DPP4: variants seen among roughly 807,000 people sequenced by gnomAD.
DPP4 encodes ADCP-2.
A neutral mutation model predicts 122.4 loss-of-function variants in DPP4; 93 were observed. The ratio of observed to expected loss-of-function variants is 0.76; its 90% confidence interval spans 0.64 to 0.90. The LOEUF (loss-of-function observed/expected upper bound fraction) is 0.90. DPP4 is among the 40% of genes least tolerant of loss of function. The pLI, the probability that DPP4 is intolerant of heterozygous loss-of-function variation, is 0.00. For synonymous variants in DPP4, 321 were observed against 302.9 expected (o/e 1.06, Z -0.62); for missense variants, 914 against 907.3 (o/e 1.01, Z -0.09).
intron 19 of DPP4, 49 bp downstream of exon 19, chr2:162,014,347 T>C (rs201269883): frequency 2.7e-6 from 4 of 1,490,442 alleles, no homozygotes; most frequent in African/African-American, 2.8e-5. Flanking sequence ...CTGAGAAAAA[T>C]ATATATGACT....
Position 162,008,642 on chromosome 2 carries a change from G to C in DPP4, c.1907C>G (p.Thr636Ser), listed in dbSNP as rs765607849. 1 of 1,613,510 alleles carries C rather than the reference G, an allele frequency of 6.2e-7. No individual in the cohort carries two copies. Among genetic ancestry groups the C allele is most frequent in the Non-Finnish European group, 8.5e-7 (1 of 1,179,704 alleles). ...ACTTCCCGATCCCAGGACCATTGAGGTTACGTACCCTCCATATGACTAAGG... is the reference window on the plus strand; with the variant it reads ...ACTTCCCGATCCCAGGACCATTGAGCTTACGTACCCTCCATATGACTAAGG... Reference protein sequence around the residue: ...IWGWSYGGYVTSMVLGSGSGV... With the variant: ...IWGWSYGGYVSSMVLGSGSGV... Residue 636 changes from threonine to serine, a missense_variant, in exon 22 of 26, where the codon ACC (threonine) becomes AGC (serine). Coordinates refer to ENST00000360534, the MANE Select transcript of DPP4 (RefSeq NM_001935.4).
chr2:161,992,570 A>G lies in DPP4; in HGVS notation c.*713T>C, dbSNP rs533483055. 7.2e-5 allele frequency: 11 copies of G among 152,784 alleles called. No homozygotes were observed. The highest frequency in any genetic ancestry group is 7.2e-4 in the Admixed American group (11 of 15,302). The allele number at this position is 152,784 out of a possible 1,614,324, so 9.5% of individuals were successfully genotyped here. A position where few individuals can be genotyped will look rare whatever the true frequency, so the allele number is the denominator to read the frequency against. On this transcript the variant is annotated 3_prime_UTR_variant, in exon 26 of 26. Coordinates refer to ENST00000360534, the MANE Select transcript of DPP4 (RefSeq NM_001935.4). ...AAAAGCACATTTACAATGCTTTCCC[A>G]TCACCCTTGCTGTGTTTTTGTAGCA...
At chr2:162,033,685 A>AG in intron 9 of DPP4, 32 bp from the exon 10 acceptor site, 2 of 1,453,956 alleles carry the variant, frequency 1.4e-6, no homozygotes, top group African/African-American at 1.5e-5. Flanking sequence ...ATTGGTATTG[A>AG]CAAAAAAAAA....
At chr2:162,036,480 C>A (rs1366351244) in intron 8 of DPP4, among the ~76,000 whole-genome samples, 1 of 152,128 alleles carries the variant, frequency 6.6e-6, no homozygotes, top group Non-Finnish European at 1.5e-5. Flanking sequence ...TAAAGTGAGA[C>A]AAGCTTGAAG....
chr2:162,022,638 G>A (rs370649642), intron 12 of DPP4, 117 bp downstream of exon 12: 3 of 934,160 alleles, frequency 3.2e-6, no homozygotes, highest in Non-Finnish European at 5.2e-6. Flanking sequence ...TTGAGAAATA[G>A]GTTAACTAAT....
chr2:162,023,513 A>G lies in DPP4; in HGVS notation c.1024-714T>C, dbSNP rs553720990. Among the ~76,000 whole-genome samples, 9 of 152,134 alleles carry G rather than the reference A, an allele frequency of 5.9e-5. No individual in the cohort carries two copies. The East Asian group carries it at 1.7e-3, about 29-fold the overall frequency. ...CCCTAGTTCCTGCATGTTCCAAGCT[A>G]TTCACACTGGATGCCTTTGCACAGC... On this transcript the variant is annotated intron_variant, in intron 11 of 25. Transcript: ENST00000360534.
At chr2:162,019,178 C>T (rs747898421) in intron 15 of DPP4, 45 bp downstream of exon 15, 2 of 1,498,256 alleles carry the variant, frequency 1.3e-6, no homozygotes, top group Admixed American at 1.8e-5. Context: ...AGAAATTGTT[C>T]GTCAGCTAAA....
intron 11 of DPP4, 88 bp from the exon 12 acceptor site, chr2:162,022,887 G>C: frequency 1.5e-6 from 2 of 1,303,230 alleles, no homozygotes; most frequent in Non-Finnish European, 2.2e-6. Flanking sequence ...AAATAGAGCT[G>C]TACTTATAAT....
At position 162,020,311 on chromosome 2, in the gene DPP4, T is replaced by A. The variant is rs1355830625; in HGVS notation, c.1177-15A>T. On this transcript the variant is annotated splice_polypyrimidine_tract_variant and intron_variant, in intron 13 of 25. Coordinates refer to ENST00000360534, the MANE Select transcript of DPP4 (RefSeq NM_001935.4). ...AATGTGCAGTCCTGATGGTTTTTTTTTTTTTTCAAAAAAAAAAAAAAGATT... is the reference window on the plus strand; with the variant it reads ...AATGTGCAGTCCTGATGGTTTTTTTATTTTTTCAAAAAAAAAAAAAAGATT... 4 of 1,537,016 alleles carry A rather than the reference T, an allele frequency of 2.6e-6. No individual in the cohort carries two copies. The highest frequency in any genetic ancestry group is 3.5e-6 in the Non-Finnish European group (4 of 1,149,640).
chr2:162,002,685 G>A (rs1045519561), intron 23 of DPP4, among the ~76,000 whole-genome samples: 2 of 152,118 alleles, frequency 1.3e-5, no homozygotes, highest in African/African-American at 4.8e-5. Flanking sequence ...GAGAGAGAGA[G>A]AGAGAGGAGA....
intron 2 of DPP4, among the ~76,000 whole-genome samples, chr2:162,069,305 T>C (rs574258549): frequency 2.6e-5 from 4 of 152,214 alleles, no homozygotes; most frequent in South Asian, 2.1e-4. Context: ...GTAGCTTGCA[T>C]GCCTTCTCTT....
intron 9 of DPP4, among the ~76,000 whole-genome samples, chr2:162,033,862 G>GTATGTATATATATA (rs1553665299): frequency 9.6e-6 from 1 of 104,026 alleles, no homozygotes; most frequent in Non-Finnish European, 1.9e-5. Flanking sequence ...CAGAATATGT[G>GTATGTATATATATA]TATATATATA....
chr2:162,052,203 A>G (rs1348887940), intron 2 of DPP4, among the ~76,000 whole-genome samples: 3 of 151,658 alleles, frequency 2.0e-5, no homozygotes, highest in Non-Finnish European at 2.9e-5. Flanking sequence ...CTGCAATCCC[A>G]GCTACTCAGG....
intron 10 of DPP4, among the ~76,000 whole-genome samples, chr2:162,028,214 T>A (rs771504447): frequency 7.2e-5 from 11 of 151,840 alleles, no homozygotes; most frequent in Non-Finnish European, 1.0e-4. Context: ...ATACAAAAAT[T>A]AGTCAGGCAT....
chr2:162,023,311 C>T (rs1683205047), intron 11 of DPP4, among the ~76,000 whole-genome samples: 1 of 152,176 alleles, frequency 6.6e-6, no homozygotes, highest in South Asian at 2.1e-4. Context: ...TCCTGCTGCT[C>T]TTCTCTGCTG....
At chr2:162,054,833 A>G (rs1468008128) in intron 2 of DPP4, among the ~76,000 whole-genome samples, 1 of 152,196 alleles carries the variant, frequency 6.6e-6, no homozygotes, top group Non-Finnish European at 1.5e-5. Context: ...TTAAAGTTTC[A>G]TTTTAAAAAT....
At chr2:162,032,511 C>T (rs1559715732) in intron 10 of DPP4, among the ~76,000 whole-genome samples, 1 of 151,980 alleles carries the variant, frequency 6.6e-6, no homozygotes, top group Non-Finnish European at 1.5e-5. Context: ...ATGGTGAAAC[C>T]TCATCTCTAC....
chr2:162,007,940 A>G (rs1341401282), intron 22 of DPP4, among the ~76,000 whole-genome samples: 1 of 152,148 alleles, frequency 6.6e-6, no homozygotes, highest in East Asian at 1.9e-4. Flanking sequence ...GAAGAGGTGC[A>G]GGAAAATCAA....
chr2:162,021,859 T>C (rs922162098), intron 12 of DPP4, among the ~76,000 whole-genome samples: 1 of 151,732 alleles, frequency 6.6e-6, no homozygotes, highest in African/African-American at 2.4e-5. Context: ...ACTTTTCATG[T>C]TGGCAAACCT....
Sources: allele counts gnomAD v4.1 joint callset (sites outside exome capture counted in the v4.1 genomes callset), GRCh38; gene constraint gnomAD v4.1.1; transcripts MANE v1.5; gene names NCBI Gene and HGNC (gene_info 2026-07-23, HGNC 2026-07-21).